Variants in CACNA2D1 observed in about 807,000 individuals in gnomAD.
CACNA2D1 encodes the protein voltage-dependent calcium channel subunit alpha-2/delta-1.
Under a neutral mutation model 171.5 loss-of-function variants are expected in CACNA2D1, and 53 were observed. The observed-to-expected ratio is 0.31, with a 90% CI of 0.25 to 0.39. The LOEUF is 0.39. Among genes scored for constraint, CACNA2D1 ranks in the 10% least tolerant of loss-of-function variants. The pLI is 1.00. For synonymous variants in CACNA2D1, 442 were observed against 443.1 expected (o/e 1.00, Z 0.03); for missense variants, 903 against 1,299.8 (o/e 0.69, Z 4.69).
chr7:82,202,122 CA>C (rs1318721814), intron 3 of CACNA2D1, among the ~76,000 whole-genome samples: 11 of 152,180 alleles, frequency 7.2e-5, no homozygotes, highest in Non-Finnish European at 1.2e-4. Flanking sequence ...ATTAGGTGAT[CA>C]CCCATGTGAG....
chr7:82,408,213 G>T (rs994259482), intron 1 of CACNA2D1, among the ~76,000 whole-genome samples: 1 of 151,928 alleles, frequency 6.6e-6, no homozygotes, highest in South Asian at 2.1e-4. Flanking sequence ...AGTAGAGGCG[G>T]GGTTTCACCA....
At chr7:82,285,511 A>T (rs10279911) in intron 3 of CACNA2D1, among the ~76,000 whole-genome samples, 17,169 of 151,132 alleles carry the variant, frequency 0.11, 1,552 homozygotes, top group African/African-American at 0.26. Context: ...TAACTGTTAT[A>T]AAAAAAGTAA....
At chr7:82,225,695 C>A (rs1802287749) in intron 3 of CACNA2D1, among the ~76,000 whole-genome samples, 2 of 149,164 alleles carry the variant, frequency 1.3e-5, no homozygotes, top group East Asian at 3.9e-4. Context: ...AGCCATCCTA[C>A]TACCTAGAGG....
intron 2 of CACNA2D1, among the ~76,000 whole-genome samples, chr7:82,342,089 G>C (rs1585573880): frequency 7.2e-6 from 1 of 139,656 alleles, no homozygotes; most frequent in Non-Finnish European, 1.5e-5. Flanking sequence ...AATCACATTT[G>C]ATTCTCTGCA....
chr7:82,388,475 T>A (rs1824686015), intron 1 of CACNA2D1, among the ~76,000 whole-genome samples: 1 of 152,200 alleles, frequency 6.6e-6, no homozygotes, highest in African/African-American at 2.4e-5. Context: ...CCACTTCAGA[T>A]AAGATCCAGG....
At chr7:82,130,828 G>A (rs1354588236) in intron 5 of CACNA2D1, among the ~76,000 whole-genome samples, 6 of 124,056 alleles carry the variant, frequency 4.8e-5, no homozygotes, top group South Asian at 2.5e-4. Context: ...ACAGAGTCTC[G>A]CTCTGTTGCC....
chr7:81,991,387 A>G (rs1797525724), intron 20 of CACNA2D1, 141 bp from the exon 21 acceptor site: 1 of 517,252 alleles, frequency 1.9e-6, no homozygotes, highest in Non-Finnish European at 3.4e-6. Context: ...TTTATTCTAT[A>G]TTTATTTATT....
At chr7:81,966,464 T>C (rs1002140885) in intron 31 of CACNA2D1, among the ~76,000 whole-genome samples, 3 of 151,452 alleles carry the variant, frequency 2.0e-5, no homozygotes, top group Non-Finnish European at 4.4e-5. Flanking sequence ...GGCTCATAAT[T>C]TCACAGGAGT....
intron 5 of CACNA2D1, among the ~76,000 whole-genome samples, chr7:82,124,139 G>A (rs1243555519): frequency 6.6e-6 from 1 of 152,050 alleles, no homozygotes; most frequent in Non-Finnish European, 1.5e-5. Context: ...AATAAAGATT[G>A]CAAACTGTAA....
chr7:82,229,665 A>G (rs1802700311), intron 3 of CACNA2D1, among the ~76,000 whole-genome samples: 1 of 126,654 alleles, frequency 7.9e-6, no homozygotes, highest in African/African-American at 2.6e-5. Flanking sequence ...CCTTTCCCAC[A>G]CTTCTGGTTT....
At chr7:82,284,247 C>T (rs1810489020) in intron 3 of CACNA2D1, among the ~76,000 whole-genome samples, 1 of 150,760 alleles carries the variant, frequency 6.6e-6, no homozygotes, top group Non-Finnish European at 1.5e-5. Flanking sequence ...GGTAAATCTA[C>T]ACAAATTTAA....
chr7:82,147,776 A>T (rs1165135731), intron 4 of CACNA2D1, among the ~76,000 whole-genome samples: 2 of 152,208 alleles, frequency 1.3e-5, no homozygotes, highest in Non-Finnish European at 2.9e-5. Context: ...TGGTCAGTGA[A>T]TAACTTAGTT....
At chr7:82,286,903 A>C (rs143483576) in intron 3 of CACNA2D1, among the ~76,000 whole-genome samples, 15 of 152,190 alleles carry the variant, frequency 9.9e-5, no homozygotes, top group African/African-American at 3.6e-4. Context: ...AACACATTTA[A>C]CTTATCTATA....
intron 3 of CACNA2D1, among the ~76,000 whole-genome samples, chr7:82,287,997 A>ATTTTTTTTTTTTTT (rs5885283): frequency 7.2e-6 from 1 of 138,888 alleles, no homozygotes; most frequent in African/African-American, 2.8e-5. Flanking sequence ...TGCCCGGCTA[A>ATTTTTTTTTTTTTT]TTTTTTTTTT....
At chr7:82,030,966 T>A (rs1342730204) in intron 12 of CACNA2D1, among the ~76,000 whole-genome samples, 4 of 151,970 alleles carry the variant, frequency 2.6e-5, no homozygotes, top group Non-Finnish European at 1.5e-5. Context: ...TATTTTATAA[T>A]TATAAATCTG....
chr7:82,050,541 C>T (rs1805074418), intron 10 of CACNA2D1: 1 of 702,072 alleles, frequency 1.4e-6, no homozygotes, highest in Admixed American at 2.0e-5. Flanking sequence ...TGATGGCCCA[C>T]ACTCATCCTC....
intron 3 of CACNA2D1, among the ~76,000 whole-genome samples, chr7:82,330,542 A>G (rs1042315241): frequency 6.6e-6 from 1 of 152,098 alleles, no homozygotes; most frequent in Non-Finnish European, 1.5e-5. Flanking sequence ...ATATTTTCAA[A>G]GATATCTTAT....
At chr7:82,078,860 CAAG>C (rs1350629469) in intron 7 of CACNA2D1, among the ~76,000 whole-genome samples, 4 of 151,242 alleles carry the variant, frequency 2.6e-5, no homozygotes, top group South Asian at 2.1e-4. Flanking sequence ...ACCTGCCTTC[CAAG>C]AAGGAGAGGA....
At chr7:81,970,822 A>T (rs1795190188) in intron 26 of CACNA2D1, 85 bp from the exon 27 acceptor site, 2 of 796,450 alleles carry the variant, frequency 2.5e-6, no homozygotes, top group Non-Finnish European at 4.6e-6. Context: ...AAAGAGAAGT[A>T]AGTTTAGGAA....
Sources: gnomAD v4.1 joint callset for allele counts (sites outside exome capture counted in the v4.1 genomes callset) on GRCh38, gnomAD v4.1.1 for gene constraint, MANE v1.5 for transcripts, NCBI Gene and HGNC (gene_info 2026-07-23, HGNC 2026-07-21) for gene names.